The following PXDNL variants were observed in gnomAD, a reference collection of about 807,000 sequenced individuals.
PXDNL encodes probable oxidoreductase PXDNL.
PXDNL carries 145 observed loss-of-function variants against 150.8 expected under a neutral mutation model. The observed-to-expected ratio is 0.96, with a 90% CI of 0.84 to 1.10. The LOEUF is 1.10. PXDNL is among the 50% of genes least tolerant of loss of function. The pLI, the probability that PXDNL is intolerant of heterozygous loss-of-function variation, is 0.00. For missense variants in PXDNL, 2,087 were observed against 1,873.9 expected (o/e 1.11, Z -2.10); for synonymous variants, 757 against 725.7 (o/e 1.04, Z -0.69).
chr8:51,771,770 C>G (rs1252270334), intron 1 of PXDNL, among the ~76,000 whole-genome samples: 1 of 152,136 alleles, frequency 6.6e-6, no homozygotes, highest in East Asian at 1.9e-4. Flanking sequence ...CAGGGCTCTT[C>G]TACCTGGAAG....
At chr8:51,802,596 T>C (rs2037633036) in intron 1 of PXDNL, among the ~76,000 whole-genome samples, 1 of 152,216 alleles carries the variant, frequency 6.6e-6, no homozygotes. Context: ...GGTCTAGAGT[T>C]TGACAATAAA....
chr8:51,694,716 C>T (rs1816079151), intron 1 of PXDNL, among the ~76,000 whole-genome samples: 1 of 152,200 alleles, frequency 6.6e-6, no homozygotes, highest in Admixed American at 6.5e-5. Flanking sequence ...TATTCTCCAG[C>T]TTTTCCATTT....
At chr8:51,404,965 G>GC (rs910191173) in intron 17 of PXDNL, among the ~76,000 whole-genome samples, 57 of 152,282 alleles carry the variant, frequency 3.7e-4, no homozygotes, top group Admixed American at 1.1e-3. Context: ...TCCGAGTCCT[G>GC]CCCCGCAGGG....
rs771576612 is a variant in PXDNL at position 51,408,427 on chromosome 8, C to T, written c.3197G>A (p.Arg1066Gln). The change falls in exon 17 of 23, where the codon CGA becomes CAA. Residue 1066 changes from arginine (R) to glutamine (Q), a missense_variant. Physicochemically the swap from Arg to Gln is conservative, Grantham distance 43 (BLOSUM62 1). Transcript: ENST00000356297. ...GHTLINPILYRLNATLGEISE... is the reference protein window; with the variant it reads ...GHTLINPILYQLNATLGEISE... ...AATTTCACCTAAGGTGGCATTCAGT[C>T]GGTAAAGAATAGGATTGATTAATGT... is the stretch of plus-strand genomic sequence containing the variant. 6.2e-7 allele frequency: 1 copy of T among 1,613,980 alleles called. No individual in the cohort carries two copies. The highest frequency in any genetic ancestry group is 8.5e-7 in the Non-Finnish European group (1 of 1,179,874).
intron 6 of PXDNL, 67 bp downstream of exon 6, chr8:51,483,576 T>C: frequency 1.0e-6 from 1 of 963,176 alleles, no homozygotes; most frequent in Non-Finnish European, 1.6e-6. Flanking sequence ...CAACCAACCA[T>C]TGTTTGGGAT....
intron 1 of PXDNL, among the ~76,000 whole-genome samples, chr8:51,683,498 G>A (rs755754093): frequency 1.8e-4 from 28 of 151,904 alleles, no homozygotes; most frequent in Non-Finnish European, 2.9e-4. Context: ...TGGGGAGAGG[G>A]GAATGGGGAA....
intron 7 of PXDNL, among the ~76,000 whole-genome samples, chr8:51,474,149 A>T (rs1458377798): frequency 6.6e-6 from 1 of 152,222 alleles, no homozygotes; most frequent in African/African-American, 2.4e-5. Flanking sequence ...AATTCAAAAA[A>T]TGGCTTGCCA....
chr8:51,569,337 G>C (rs1266836046), intron 3 of PXDNL, among the ~76,000 whole-genome samples: 1 of 151,924 alleles, frequency 6.6e-6, no homozygotes, highest in African/African-American at 2.4e-5. Flanking sequence ...TTTTACAGGT[G>C]TTTGCTTTCC....
At chr8:51,700,255 T>C (rs1021785872) in intron 1 of PXDNL, among the ~76,000 whole-genome samples, 7 of 89,360 alleles carry the variant, frequency 7.8e-5, no homozygotes, top group Non-Finnish European at 1.7e-4. Context: ...ACATATACAC[T>C]CAAACACACA....
chr8:51,409,054 G>A lies in PXDNL; in HGVS notation c.2570C>T (p.Ala857Val). The A allele has an allele frequency of 6.2e-7, 1 of 1,610,024 alleles. No homozygotes were observed. Among genetic ancestry groups the A allele is most frequent in the East Asian group, 2.2e-5 (1 of 44,846 alleles). Reference sequence around the variant, plus strand: ...GGAGCGCGCGAAGAGCATGCAGGGCGCGTGGGTGCCCCGGGGGTCGGCGTG... The same window carrying A: ...GGAGCGCGCGAAGAGCATGCAGGGCACGTGGGTGCCCCGGGGGTCGGCGTG... The part of the protein sequence containing the change: ...TRHADPRGTH[A>V]PCMLFARSSP... Residue 857 changes from alanine (A) to valine (V), a missense_variant, in exon 17 of 23, where the codon GCG becomes GTG. By Grantham distance (64) the Ala-to-Val change is moderately conservative. Transcript: ENST00000356297.
intron 17 of PXDNL, among the ~76,000 whole-genome samples, chr8:51,396,768 G>A (rs772474037): frequency 6.6e-6 from 1 of 151,876 alleles, no homozygotes; most frequent in Non-Finnish European, 1.5e-5. Flanking sequence ...CAAAAATAAC[G>A]GTAATAATAA....
intron 21 of PXDNL, among the ~76,000 whole-genome samples, chr8:51,331,362 T>G (rs895292585): frequency 2.0e-5 from 3 of 152,132 alleles, no homozygotes; most frequent in Admixed American, 6.5e-5. Flanking sequence ...CTTTCCTGCC[T>G]GACACTGCAG....
chr8:51,694,852 T>C (rs1432116454), intron 1 of PXDNL, among the ~76,000 whole-genome samples: 3 of 152,230 alleles, frequency 2.0e-5, no homozygotes, highest in Non-Finnish European at 4.4e-5. Flanking sequence ...GAAATCTACA[T>C]ACATCCAAAT....
At chr8:51,608,930 C>T (rs1813938184) in intron 2 of PXDNL, among the ~76,000 whole-genome samples, 1 of 150,614 alleles carries the variant, frequency 6.6e-6, no homozygotes, top group African/African-American at 2.4e-5. Context: ...ATGTATAACT[C>T]TTGAATATGA....
At chr8:51,725,948 T>G (rs1425975403) in intron 1 of PXDNL, among the ~76,000 whole-genome samples, 1 of 152,252 alleles carries the variant, frequency 6.6e-6, no homozygotes, top group Non-Finnish European at 1.5e-5. Context: ...TTGGCCTCTA[T>G]GTTTTGGTTC....
At chr8:51,428,602 A>C (rs917240342) in intron 12 of PXDNL, among the ~76,000 whole-genome samples, 1 of 152,234 alleles carries the variant, frequency 6.6e-6, no homozygotes, top group African/African-American at 2.4e-5. Flanking sequence ...AAAGAGCAGA[A>C]GCAGTTCACT....
At position 51,556,877 on chromosome 8, in the gene PXDNL, T is replaced by C; in HGVS notation, c.343A>G (p.Lys115Glu). Residue 115 changes from lysine to glutamate, a missense_variant, in exon 4 of 23, where the codon AAG becomes GAG. Lys to Glu is a moderately conservative substitution (Grantham distance 56). Coordinates refer to ENST00000356297, the MANE Select transcript of PXDNL (RefSeq NM_144651.5). ...LYKNEIHALD[K>E]QTFKGLISLE... ...GATATGAGTCCTTTAAATGTTTGCT[T>C]ATCTAGTGCATGGATTTCATTCTTA... 6.3e-7 allele frequency: 1 copy of C among 1,585,676 alleles called. No homozygotes were observed. Among genetic ancestry groups the C allele is most frequent in the Non-Finnish European group, 8.7e-7 (1 of 1,154,966 alleles).
intron 19 of PXDNL, among the ~76,000 whole-genome samples, chr8:51,369,967 A>G (rs1270808705): frequency 2.0e-5 from 3 of 152,158 alleles, no homozygotes; most frequent in African/African-American, 7.2e-5. Context: ...CAGCAGAGGA[A>G]CTGCCCTTGG....
rs527399359 is a variant in PXDNL at position 51,338,946 on chromosome 8, G to A, written c.4146+678C>T. Among the ~76,000 whole-genome samples, 17 of 152,188 alleles carry A rather than the reference G, an allele frequency of 1.1e-4. No homozygotes were observed. In the East Asian group the frequency reaches 2.9e-3, roughly 26 times the overall value. On this transcript the variant is annotated intron_variant, in intron 21 of 22. Coordinates refer to ENST00000356297, the MANE Select transcript of PXDNL (RefSeq NM_144651.5). ...AAAATTGATAAGAAAAGTATACATCGTGCTGTTAAAAATTATCTCCATCTG... is the reference window on the plus strand; with the variant it reads ...AAAATTGATAAGAAAAGTATACATCATGCTGTTAAAAATTATCTCCATCTG...
Sources: allele counts gnomAD v4.1 joint callset (sites outside exome capture counted in the v4.1 genomes callset), GRCh38; gene constraint gnomAD v4.1.1; transcripts MANE v1.5; gene names NCBI Gene and HGNC (gene_info 2026-07-23, HGNC 2026-07-21).